The following ROBO1 variants were observed in gnomAD, a reference collection of about 807,000 sequenced individuals.
ROBO1 encodes the protein roundabout homolog 1.
ROBO1 carries 149 observed loss-of-function variants against 195.9 expected under a neutral mutation model. The observed-to-expected ratio is 0.76, with a 90% CI of 0.67 to 0.87. ROBO1 has a LOEUF of 0.87. ROBO1 is among the 40% of genes least tolerant of loss of function. ROBO1 has a pLI of 0.00. For synonymous variants in ROBO1, 816 were observed against 733.2 expected (o/e 1.11, Z -1.82); for missense variants, 1,933 against 2,068.3 (o/e 0.93, Z 1.27).
At chr3:78,931,536 G>A (rs573449166) in intron 4 of ROBO1, among the ~76,000 whole-genome samples, 14 of 151,994 alleles carry the variant, frequency 9.2e-5, no homozygotes, top group Non-Finnish European at 1.8e-4. Context: ...ATGAGCCACC[G>A]TGCCCAGCCA....
chr3:79,748,276 G>A (rs1008269260), intron 1 of ROBO1, among the ~76,000 whole-genome samples: 3 of 152,118 alleles, frequency 2.0e-5, no homozygotes, highest in African/African-American at 4.8e-5. Flanking sequence ...CAGATTCAGA[G>A]GTTATAAAGT....
chr3:79,403,237 A>G (rs896600209), intron 2 of ROBO1, among the ~76,000 whole-genome samples: 1 of 151,844 alleles, frequency 6.6e-6, no homozygotes, highest in African/African-American at 2.4e-5. Flanking sequence ...TGAGAGATGA[A>G]CCAAGACTAC....
intron 4 of ROBO1, among the ~76,000 whole-genome samples, chr3:78,846,690 G>C (rs1179134033): frequency 6.6e-6 from 1 of 152,030 alleles, no homozygotes; most frequent in East Asian, 1.9e-4. Flanking sequence ...GGTCTATATA[G>C]ACATGTCTAC....
intron 1 of ROBO1, among the ~76,000 whole-genome samples, chr3:79,751,986 C>T (rs528650158): frequency 6.6e-6 from 1 of 152,230 alleles, no homozygotes; most frequent in Admixed American, 6.5e-5. Flanking sequence ...CTGTAGCAGG[C>T]ACTACCATAT....
At chr3:79,544,752 T>A (rs1210082995) in intron 2 of ROBO1, among the ~76,000 whole-genome samples, 1 of 152,106 alleles carries the variant, frequency 6.6e-6, no homozygotes, top group Non-Finnish European at 1.5e-5. Context: ...AAATTGCATT[T>A]TCTTTATCAG....
At chr3:78,693,398 TAAGGA>T in intron 8 of ROBO1, 1 of 1,355,374 alleles carries the variant, frequency 7.4e-7, no homozygotes, top group East Asian at 2.5e-5. Context: ...TAAATAAAAA[TAAGGA>T]AACATAAAAT....
At chr3:78,879,350 A>G (rs1172063065) in intron 4 of ROBO1, among the ~76,000 whole-genome samples, 5 of 152,174 alleles carry the variant, frequency 3.3e-5, no homozygotes, top group Non-Finnish European at 5.9e-5. Context: ...GTCTACACAT[A>G]TATCATGCCT....
At chr3:78,615,718 G>A (rs966502809) in intron 27 of ROBO1, among the ~76,000 whole-genome samples, 3 of 152,132 alleles carry the variant, frequency 2.0e-5, no homozygotes, top group South Asian at 2.1e-4. Context: ...AATGGACCGC[G>A]ACAACATGTC....
intron 1 of ROBO1, among the ~76,000 whole-genome samples, chr3:79,650,641 G>T (rs1453759253): frequency 6.6e-6 from 1 of 151,536 alleles, no homozygotes; most frequent in Non-Finnish European, 1.5e-5. Flanking sequence ...AAGAAAATGA[G>T]TAAATTCTAA....
chr3:79,061,037 G>T (rs572005027), intron 3 of ROBO1, among the ~76,000 whole-genome samples: 90 of 152,006 alleles, frequency 5.9e-4, no homozygotes, highest in African/African-American at 2.1e-3. Context: ...AGGGTATTTG[G>T]TTAGGAAAAG....
intron 3 of ROBO1, among the ~76,000 whole-genome samples, chr3:79,095,458 C>T (rs185928069): frequency 6.6e-6 from 1 of 152,110 alleles, no homozygotes; most frequent in African/African-American, 2.4e-5. Context: ...AGACGACCAG[C>T]CACTGGTGAC....
chr3:79,749,590 C>T (rs1704037549), intron 1 of ROBO1, among the ~76,000 whole-genome samples: 1 of 152,132 alleles, frequency 6.6e-6, no homozygotes, highest in Non-Finnish European at 1.5e-5. Flanking sequence ...TAGAGTCCCC[C>T]TACTCTGTTC....
chr3:78,713,049 C>G (rs74492898), intron 8 of ROBO1, among the ~76,000 whole-genome samples: 1,621 of 152,198 alleles, frequency 0.011, 34 homozygotes, highest in African/African-American at 0.037. Flanking sequence ...GATTTGACAC[C>G]TCTTATATTT....
intron 2 of ROBO1, among the ~76,000 whole-genome samples, chr3:79,274,680 A>G (rs1489761893): frequency 6.6e-6 from 1 of 151,992 alleles, no homozygotes; most frequent in Non-Finnish European, 1.5e-5. Context: ...AAAAAATACA[A>G]AAGACTAATT....
At chr3:79,446,918 G>A (rs2039278065) in intron 2 of ROBO1, among the ~76,000 whole-genome samples, 1 of 152,130 alleles carries the variant, frequency 6.6e-6, no homozygotes, top group Non-Finnish European at 1.5e-5. Context: ...CCGCCTCCCG[G>A]GTTCAAGCAA....
chr3:79,028,215 C>A (rs2078235711), intron 3 of ROBO1, among the ~76,000 whole-genome samples: 1 of 151,888 alleles, frequency 6.6e-6, no homozygotes, highest in Non-Finnish European at 1.5e-5. Context: ...AAAAAATATT[C>A]CAATAATTCT....
chr3:79,676,745 G>T (rs187571230), intron 1 of ROBO1, among the ~76,000 whole-genome samples: 72 of 152,052 alleles, frequency 4.7e-4, no homozygotes, highest in African/African-American at 1.7e-3. Flanking sequence ...ACATTTTATT[G>T]TTTAGAAGCA....
At chr3:78,886,989 G>C (rs762896814) in intron 4 of ROBO1, among the ~76,000 whole-genome samples, 1 of 151,906 alleles carries the variant, frequency 6.6e-6, no homozygotes, top group Non-Finnish European at 1.5e-5. Flanking sequence ...TACACCTTTA[G>C]TTATGTAATT....
At chr3:78,886,182 T>C (rs1403855784) in intron 4 of ROBO1, among the ~76,000 whole-genome samples, 2 of 151,848 alleles carry the variant, frequency 1.3e-5, no homozygotes, top group Non-Finnish European at 2.9e-5. Context: ...AGAATATATA[T>C]CTTTTAGGAG....
Sources: gnomAD v4.1 joint callset for allele counts (sites outside exome capture counted in the v4.1 genomes callset) on GRCh38, gnomAD v4.1.1 for gene constraint, MANE v1.5 for transcripts, NCBI Gene and HGNC (gene_info 2026-07-23, HGNC 2026-07-21) for gene names.